The following ADAMTS6 variants were observed in gnomAD, a reference collection of about 807,000 sequenced individuals.
The protein encoded by ADAMTS6 is A disintegrin and metalloproteinase with thrombospondin motifs 6.
ADAMTS6 carries 23 observed loss-of-function variants against 144.3 expected under a neutral mutation model. The ratio of observed to expected loss-of-function variants is 0.16; its 90% CI spans 0.11 to 0.23. The LOEUF is 0.23. Among genes scored for constraint, ADAMTS6 ranks in the 10% least tolerant of loss-of-function variants. ADAMTS6 has a pLI of 1.00. For synonymous variants in ADAMTS6, 444 were observed against 457.5 expected (o/e 0.97, Z 0.38); for missense variants, 999 against 1,379.6 (o/e 0.72, Z 4.37).
chr5:65,413,146 C>T (rs539539251), intron 7 of ADAMTS6, among the ~76,000 whole-genome samples: 2 of 152,114 alleles, frequency 1.3e-5, no homozygotes, highest in Non-Finnish European at 2.9e-5. Context: ...AGCAACAGGC[C>T]TCCATATCTT....
At chr5:65,152,012 T>C (rs1003791222) in intron 24 of ADAMTS6, 67 bp from the exon 25 acceptor site, 17 of 1,352,364 alleles carry the variant, frequency 1.3e-5, no homozygotes, top group Middle Eastern at 1.8e-4. Flanking sequence ...AACAAGCCGA[T>C]GGGCCTGCAT....
intron 24 of ADAMTS6, among the ~76,000 whole-genome samples, chr5:65,155,022 C>A (rs1030410995): frequency 7.2e-5 from 11 of 152,084 alleles, no homozygotes; most frequent in African/African-American, 2.4e-4. Context: ...ATGGAAGATC[C>A]GGTTCCTACT....
intron 9 of ADAMTS6, among the ~76,000 whole-genome samples, chr5:65,321,320 C>A (rs1320686535): frequency 6.6e-6 from 1 of 151,712 alleles, no homozygotes; most frequent in Non-Finnish European, 1.5e-5. Flanking sequence ...GCTTTTTTTT[C>A]ATATATGTAT....
chr5:65,426,213 A>AT (rs150746408), intron 7 of ADAMTS6, among the ~76,000 whole-genome samples: 3,150 of 140,184 alleles, frequency 0.022, 90 homozygotes, highest in African/African-American at 0.074. Context: ...TGCCTGGCTA[A>AT]TTTTTTTTTT....
At chr5:65,241,196 A>C (rs35446524) in intron 15 of ADAMTS6, among the ~76,000 whole-genome samples, 95 of 152,012 alleles carry the variant, frequency 6.2e-4, no homozygotes, top group Non-Finnish European at 1.1e-3. Context: ...AAAAGCAAGC[A>C]AACAGTAAAC....
chr5:65,237,632 G>C (rs7725856), intron 15 of ADAMTS6, among the ~76,000 whole-genome samples: 87,758 of 151,848 alleles, frequency 0.58, 26,604 homozygotes, highest in African/African-American at 0.78. Context: ...CCAAAACTTA[G>C]CAAAGACATC....
At chr5:65,435,846 G>A (rs1757356022) in intron 7 of ADAMTS6, among the ~76,000 whole-genome samples, 1 of 151,890 alleles carries the variant, frequency 6.6e-6, no homozygotes. Context: ...GGCTGGTCTT[G>A]AACTCCAGAC....
intron 9 of ADAMTS6, among the ~76,000 whole-genome samples, chr5:65,317,793 G>C (rs1046801434): frequency 6.6e-6 from 1 of 152,130 alleles, no homozygotes; most frequent in Non-Finnish European, 1.5e-5. Context: ...CAAGTGGCAG[G>C]CCAGGCGTGG....
chr5:65,273,679 T>C (rs1762231602), intron 11 of ADAMTS6, among the ~76,000 whole-genome samples: 3 of 152,206 alleles, frequency 2.0e-5, no homozygotes, highest in Non-Finnish European at 4.4e-5. Context: ...TCTTAGCTTT[T>C]AATATTAGTT....
At chr5:65,316,988 A>T (rs1745070616) in intron 9 of ADAMTS6, among the ~76,000 whole-genome samples, 1 of 152,086 alleles carries the variant, frequency 6.6e-6, no homozygotes, top group Non-Finnish European at 1.5e-5. Context: ...TTTTTAGAAG[A>T]GATGGGGTTT....
rs555809311 is a variant in ADAMTS6 at position 65,416,134 on chromosome 5, C to T, written c.1073+35341G>A. 6 of 187,006 alleles carry T rather than the reference C, an allele frequency of 3.2e-5. No individual in the cohort carries two copies. The South Asian group carries it at 7.5e-4, about 23-fold the overall frequency. 11.6% of individuals were successfully genotyped at this position (187,006 alleles called of 1,614,324 possible). A position where few individuals can be genotyped will look rare whatever the true frequency, so the allele number is the denominator to read the frequency against. On this transcript the variant is annotated intron_variant, in intron 7 of 24. Transcript: ENST00000381055. ...AAGGAGACTGTATTCACCAAGTCTC[C>T]CTATCAGGAATTCACTGACCACCCC... is the stretch of plus-strand genomic sequence containing the variant.
chr5:65,381,233 G>A (rs1752011401), intron 7 of ADAMTS6, among the ~76,000 whole-genome samples: 2 of 152,048 alleles, frequency 1.3e-5, no homozygotes, highest in Admixed American at 1.3e-4. Flanking sequence ...TTTTTAAATG[G>A]TCAAGTACAG....
chr5:65,265,669 C>T lies in ADAMTS6; in HGVS notation c.1621-2707G>A, dbSNP rs142777028. 3.5e-3 allele frequency among the ~76,000 whole-genome samples: 535 copies of T among 151,864 alleles called. 3 individuals are homozygous for T. The highest frequency in any genetic ancestry group is 0.012 in the African/African-American group (507 of 41,452). On this transcript the variant is annotated intron_variant, in intron 12 of 24. Coordinates refer to ENST00000381055, the MANE Select transcript of ADAMTS6 (RefSeq NM_197941.4). Reference sequence around the variant, plus strand: ...CTATTTTTTCAAATTGGAAACTTAGCATTATTGATTTCAAATAACATTAAA... The same window carrying T: ...CTATTTTTTCAAATTGGAAACTTAGTATTATTGATTTCAAATAACATTAAA...
At chr5:65,229,381 A>C (rs1466544873) in intron 15 of ADAMTS6, among the ~76,000 whole-genome samples, 1 of 152,226 alleles carries the variant, frequency 6.6e-6, no homozygotes, top group East Asian at 1.9e-4. Context: ...GCAACACAGT[A>C]CTTCAAGAAA....
chr5:65,451,406 A>G, intron 7 of ADAMTS6, 69 bp downstream of exon 7: 1 of 1,588,176 alleles, frequency 6.3e-7, no homozygotes. Context: ...GGCTTTACAT[A>G]GAACCAAATT....
intron 20 of ADAMTS6, among the ~76,000 whole-genome samples, chr5:65,203,631 G>T (rs1755886852): frequency 6.6e-6 from 1 of 151,918 alleles, no homozygotes; most frequent in Non-Finnish European, 1.5e-5. Context: ...TTAAAATAAG[G>T]ATATAATCAT....
intron 20 of ADAMTS6, chr5:65,210,419 C>G (rs1235506520): frequency 5.4e-6 from 1 of 184,046 alleles, no homozygotes; most frequent in African/African-American, 2.6e-5. Context: ...CCACTGCACT[C>G]CAGCCTGGGC....
chr5:65,263,016 A>G, intron 12 of ADAMTS6, 54 bp from the exon 13 acceptor site: 1 of 1,609,796 alleles, frequency 6.2e-7, no homozygotes, highest in Non-Finnish European at 8.5e-7. Context: ...TAGAGCTATC[A>G]GGATAGAAAT....
At chr5:65,378,621 C>T (rs1336333406) in intron 7 of ADAMTS6, among the ~76,000 whole-genome samples, 1 of 152,142 alleles carries the variant, frequency 6.6e-6, no homozygotes, top group Non-Finnish European at 1.5e-5. Context: ...TTTCATCCCC[C>T]TAAAGAAGCA....
Sources: allele counts gnomAD v4.1 joint callset (sites outside exome capture counted in the v4.1 genomes callset), GRCh38; gene constraint gnomAD v4.1.1; transcripts MANE v1.5; gene names NCBI Gene and HGNC (gene_info 2026-07-23, HGNC 2026-07-21).